Variants in MYO16 observed in about 807,000 individuals in gnomAD.
MYO16 encodes the protein myosin XVI, also known as unconventional myosin-XVI.
In MYO16, 94 loss-of-function variants were observed where a neutral mutation model predicts 205.3. The observed-to-expected ratio is 0.46, with a 90% CI of 0.39 to 0.54. The LOEUF (loss-of-function observed/expected upper bound fraction) is 0.54, where lower values mean the gene tolerates loss of function less well. MYO16 is among the 20% of genes least tolerant of loss of function. MYO16 has a pLI of 0.00. For missense variants in MYO16, 2,315 were observed against 2,387.5 expected (o/e 0.97, Z 0.63); for synonymous variants, 988 against 954.0 (o/e 1.04, Z -0.66).
chr13:108,682,955 A>G (rs1399731244), intron 2 of MYO16, among the ~76,000 whole-genome samples: 1 of 152,124 alleles, frequency 6.6e-6, no homozygotes, highest in East Asian at 1.9e-4. Flanking sequence ...TGTAAGATAG[A>G]GTCTTTTTCT....
chr13:108,711,022 A>T lies in MYO16; in HGVS notation c.293-1639A>T, dbSNP rs1220448465. On this transcript the variant is annotated intron_variant, in intron 2 of 34. Transcript: ENST00000457511. ...CATGAAAGGGATTTTAAACACTAAG[A>T]GTAGTGAGTACATGAGTTTGCAAGA... is the stretch of plus-strand genomic sequence containing the variant. Among the ~76,000 whole-genome samples the T allele has an allele frequency of 2.6e-5, 4 of 152,332 alleles. 1 individual carries two copies.
intron 20 of MYO16, among the ~76,000 whole-genome samples, chr13:108,976,693 T>C (rs1268275323): frequency 6.6e-6 from 1 of 152,214 alleles, no homozygotes; most frequent in Non-Finnish European, 1.5e-5. Context: ...AAATGCATTA[T>C]AGAATAATAA....
intron 34 of MYO16, among the ~76,000 whole-genome samples, chr13:109,204,934 C>T (rs1440144320): frequency 6.6e-6 from 1 of 152,166 alleles, no homozygotes; most frequent in Non-Finnish European, 1.5e-5. Context: ...CATGCAAGCT[C>T]CCACCACCCT....
intron 1 of MYO16, among the ~76,000 whole-genome samples, chr13:108,639,996 A>G (rs1880430498): frequency 6.6e-6 from 1 of 152,212 alleles, no homozygotes; most frequent in African/African-American, 2.4e-5. Context: ...GTCCCACGGT[A>G]TGCAAGAAGA....
At chr13:108,504,265 G>T in the MYO16 span, among the ~76,000 whole-genome samples, 2 of 152,128 alleles carry the variant, frequency 1.3e-5, no homozygotes, top group Admixed American at 6.6e-5. Context: ...GGGACTACAG[G>T]CACATGCTAC....
chr13:108,530,463 C>T, the MYO16 span, among the ~76,000 whole-genome samples: 7 of 152,300 alleles, frequency 4.6e-5, no homozygotes, highest in Non-Finnish European at 7.4e-5. Context: ...ATAGATCAAA[C>T]GTTCACCTAG....
At position 108,793,527 on chromosome 13, in the gene MYO16, A is replaced by T. The variant is rs1445575834; in HGVS notation, c.628A>T (p.Thr210Ser). The change falls in exon 6 of 35, where the codon ACC (threonine) becomes TCC (serine). Residue 210 changes from threonine to serine, a missense_variant. Coordinates refer to ENST00000457511, the MANE Select transcript of MYO16 (RefSeq NM_001198950.3). ...TYLDENGVDL[T>S]SLRQMKLQRP... is the part of the protein sequence containing the mutation. The stretch of plus-strand genomic sequence containing the variant: ...CTTTCTCCCCACAGGAGTGGATTTG[A>T]CCTCACTGCGCCAGATGAAGCTTCA... The T allele has an allele frequency of 3.7e-6, 6 of 1,613,670 alleles. No homozygotes were observed. The highest frequency in any genetic ancestry group is 1.3e-5 in the African/African-American group (1 of 74,902).
intron 1 of MYO16, among the ~76,000 whole-genome samples, chr13:108,640,371 G>A (rs1160987800): frequency 6.6e-6 from 1 of 152,134 alleles, no homozygotes; most frequent in Non-Finnish European, 1.5e-5. Context: ...CAGGGGAGAG[G>A]AGGGAGGAGT....
At chr13:108,537,970 T>C in the MYO16 span, among the ~76,000 whole-genome samples, 2 of 152,174 alleles carry the variant, frequency 1.3e-5, no homozygotes, top group African/African-American at 2.4e-5. Context: ...GTCTGTCTGT[T>C]CATTCTGTTG....
intron 11 of MYO16, among the ~76,000 whole-genome samples, chr13:108,856,800 C>T (rs1390419979): frequency 6.6e-6 from 1 of 152,168 alleles, no homozygotes; most frequent in African/African-American, 2.4e-5. Flanking sequence ...CCATTACCTT[C>T]CCTTCTCTAA....
At chr13:108,918,294 T>C (rs1301623972) in intron 16 of MYO16, among the ~76,000 whole-genome samples, 1 of 152,208 alleles carries the variant, frequency 6.6e-6, no homozygotes, top group Non-Finnish European at 1.5e-5. Context: ...TGTATTCACA[T>C]AATAAACACA....
intron 5 of MYO16, among the ~76,000 whole-genome samples, chr13:108,786,302 C>T (rs1189137725): frequency 6.6e-6 from 1 of 152,192 alleles, no homozygotes; most frequent in Non-Finnish European, 1.5e-5. Context: ...CATTCACCGA[C>T]AAAGGATGTT....
chr13:109,184,570 T>C (rs565332412), intron 34 of MYO16, among the ~76,000 whole-genome samples: 51 of 152,070 alleles, frequency 3.4e-4, no homozygotes, highest in African/African-American at 1.2e-3. Flanking sequence ...TTTGAGAAAA[T>C]AAGAAGTCAG....
chr13:108,913,012 G>C (rs1231870462), intron 16 of MYO16, among the ~76,000 whole-genome samples: 13 of 152,126 alleles, frequency 8.5e-5, no homozygotes, highest in African/African-American at 2.9e-4. Context: ...TCTGTATTGA[G>C]CTTCAATTCT....
At chr13:108,978,638 C>A (rs1474459869) in intron 20 of MYO16, among the ~76,000 whole-genome samples, 1 of 151,712 alleles carries the variant, frequency 6.6e-6, no homozygotes, top group Non-Finnish European at 1.5e-5. Flanking sequence ...CATTTATTTT[C>A]ATTAGTGAGA....
chr13:109,060,134 G>A (rs1887542762), intron 27 of MYO16, among the ~76,000 whole-genome samples: 1 of 152,052 alleles, frequency 6.6e-6, no homozygotes, highest in African/African-American at 2.4e-5. Flanking sequence ...TCACATTACT[G>A]GGTATATACT....
At chr13:108,724,912 G>T (rs1884288912) in intron 3 of MYO16, among the ~76,000 whole-genome samples, 1 of 128,960 alleles carries the variant, frequency 7.8e-6, no homozygotes, top group African/African-American at 2.9e-5. Context: ...ATAACTCACA[G>T]TCACAATTCT....
At chr13:109,192,513 T>G (rs563160386) in intron 34 of MYO16, among the ~76,000 whole-genome samples, 3 of 152,292 alleles carry the variant, frequency 2.0e-5, no homozygotes, top group African/African-American at 7.2e-5. Context: ...CCTGCCAAAT[T>G]CATGCCTTCT....
chr13:109,071,655 A>G (rs749256893), intron 27 of MYO16, among the ~76,000 whole-genome samples: 1 of 152,222 alleles, frequency 6.6e-6, no homozygotes, highest in Non-Finnish European at 1.5e-5. Flanking sequence ...TATACATTAG[A>G]TTTGGTAAAT....
Sources: allele counts gnomAD v4.1 joint callset (sites outside exome capture counted in the v4.1 genomes callset), GRCh38; gene constraint gnomAD v4.1.1; transcripts MANE v1.5; gene names NCBI Gene and HGNC (gene_info 2026-07-23, HGNC 2026-07-21).